ZEB1: variants seen among roughly 807,000 people sequenced by gnomAD.
The protein encoded by ZEB1 is zinc finger E-box binding homeobox 1.
ZEB1 carries 21 observed loss-of-function variants against 84.9 expected under a neutral mutation model. The observed-to-expected ratio is 0.25, with a 90% CI of 0.18 to 0.36. ZEB1 has a LOEUF of 0.36. ZEB1 is among the 10% of genes least tolerant of loss of function. The pLI, the probability that ZEB1 is intolerant of heterozygous loss-of-function variation, is 1.00. For missense variants in ZEB1, 1,104 were observed against 1,330.2 expected (o/e 0.83, Z 2.65); for synonymous variants, 420 against 471.1 (o/e 0.89, Z 1.41).
At chr10:31,352,939 G>T (rs1217559705) in intron 1 of ZEB1, among the ~76,000 whole-genome samples, 1 of 152,220 alleles carries the variant, frequency 6.6e-6, no homozygotes, top group African/African-American at 2.4e-5. Context: ...GGGATGTATT[G>T]TTGCAGCCAT....
rs2072529527 is a variant in ZEB1, at chr10:31,522,029, C to G, written c.2604+93C>G. The stretch of plus-strand genomic sequence containing the variant: ...TCTAATAAATATCAGTCCCGTAGAG[C>G]CAACTAGATTATTACAAACTGTCAT... On this transcript the variant is annotated intron_variant, in intron 7 of 8. Transcript: ENST00000424869. The G allele has an allele frequency of 1.9e-6, 3 of 1,544,612 alleles. No individual in the cohort carries two copies. In the Admixed American group the frequency reaches 5.3e-5, roughly 27 times the overall value.
At chr10:31,499,510 G>A (rs1274636447) in intron 3 of ZEB1, among the ~76,000 whole-genome samples, 3 of 152,066 alleles carry the variant, frequency 2.0e-5, no homozygotes, top group African/African-American at 7.2e-5. Context: ...AGGAAAAAAA[G>A]CATTTTTTCG....
intron 4 of ZEB1, among the ~76,000 whole-genome samples, chr10:31,507,700 T>C (rs1444441531): frequency 2.6e-5 from 4 of 152,024 alleles, no homozygotes; most frequent in Admixed American, 2.6e-4. Flanking sequence ...TACTTACCTC[T>C]TTGGTAAATT....
intron 2 of ZEB1, among the ~76,000 whole-genome samples, chr10:31,473,097 A>G (rs1362631082): frequency 6.7e-6 from 1 of 149,686 alleles, no homozygotes; most frequent in Non-Finnish European, 1.5e-5. Flanking sequence ...CCCACAGCCA[A>G]TATCATACTG....
At chr10:31,495,261 A>G (rs2067061614) in intron 2 of ZEB1, among the ~76,000 whole-genome samples, 1 of 152,066 alleles carries the variant, frequency 6.6e-6, no homozygotes, top group Non-Finnish European at 1.5e-5. Flanking sequence ...GGAACATAGA[A>G]ATTTGTGCTT....
At chr10:31,331,960 G>A (rs2036886769) in intron 1 of ZEB1, among the ~76,000 whole-genome samples, 1 of 152,146 alleles carries the variant, frequency 6.6e-6, no homozygotes, top group East Asian at 1.9e-4. Flanking sequence ...AGAGTGACAT[G>A]ATTACATTTA....
At chr10:31,333,160 A>G (rs534207947) in intron 1 of ZEB1, among the ~76,000 whole-genome samples, 4 of 152,192 alleles carry the variant, frequency 2.6e-5, no homozygotes, top group Non-Finnish European at 5.9e-5. Flanking sequence ...CTTTGACAGT[A>G]TATTAAGCAT....
At chr10:31,382,016 A>AAAAAAAAC (rs1564658732) in intron 1 of ZEB1, among the ~76,000 whole-genome samples, 8 of 115,576 alleles carry the variant, frequency 6.9e-5, no homozygotes, top group African/African-American at 5.3e-4. Context: ...CAAAAAAAAA[A>AAAAAAAAC]AAAAAAAAAA....
At chr10:31,450,936 G>A (rs1440437573) in intron 1 of ZEB1, among the ~76,000 whole-genome samples, 3 of 152,118 alleles carry the variant, frequency 2.0e-5, no homozygotes, top group Middle Eastern at 6.8e-3. Context: ...GCACATGCAT[G>A]TATATCCTTC....
intron 1 of ZEB1, among the ~76,000 whole-genome samples, chr10:31,336,193 T>A (rs1362410877): frequency 1.3e-5 from 2 of 152,204 alleles, no homozygotes; most frequent in African/African-American, 4.8e-5. Context: ...TTTTGTTGAA[T>A]TTGACACGCT....
At chr10:31,517,499 T>C (rs1342202039) in intron 6 of ZEB1, among the ~76,000 whole-genome samples, 2 of 135,202 alleles carry the variant, frequency 1.5e-5, no homozygotes, top group East Asian at 2.1e-4. Flanking sequence ...ACCTTAGCCA[T>C]TAAAAAAAAA....
chr10:31,458,284 C>T lies in ZEB1; in HGVS notation c.59-2753C>T, dbSNP rs573440911. Among the ~76,000 whole-genome samples, 12 of 150,804 alleles carry T rather than the reference C, an allele frequency of 8.0e-5. No individual in the cohort carries two copies. The South Asian group carries it at 2.3e-3, about 29-fold the overall frequency. On this transcript the variant is annotated intron_variant, in intron 1 of 8. Coordinates refer to ENST00000424869, the MANE Select transcript of ZEB1 (RefSeq NM_001174096.2). ...AAAAATGAAAGTTAATAGCATTGTG[C>T]ATCATTTGCCAGTAAGCATCTCCAT...
chr10:31,405,002 T>C (rs1211945853), intron 1 of ZEB1, among the ~76,000 whole-genome samples: 1 of 152,144 alleles, frequency 6.6e-6, no homozygotes, highest in Non-Finnish European at 1.5e-5. Context: ...TCTTAATCAA[T>C]TTCACACAAG....
At chr10:31,319,150 G>A (rs1232333616), upstream of ZEB1, 10 of 872,654 alleles carry the variant, frequency 1.1e-5, no homozygotes, top group Non-Finnish European at 1.4e-5. Flanking sequence ...TGGGGAGGGG[G>A]GAGGGGTGGA....
chr10:31,437,439 C>T (rs1294183576), intron 1 of ZEB1, among the ~76,000 whole-genome samples: 2 of 152,188 alleles, frequency 1.3e-5, no homozygotes, highest in Admixed American at 1.3e-4. Context: ...TAAAACTAAA[C>T]TCTAGTTACC....
At chr10:31,401,244 TAAC>T (rs902983714) in intron 1 of ZEB1, among the ~76,000 whole-genome samples, 1 of 152,206 alleles carries the variant, frequency 6.6e-6, no homozygotes, top group African/African-American at 2.4e-5. Context: ...AGAAAACTAA[TAAC>T]AAGTGCAGCA....
chr10:31,489,511 T>C (rs2066211231), intron 2 of ZEB1, among the ~76,000 whole-genome samples: 1 of 151,398 alleles, frequency 6.6e-6, no homozygotes, highest in Non-Finnish European at 1.5e-5. Flanking sequence ...ATCATTTTAT[T>C]ATTTGTTTTT....
At chr10:31,325,968 T>A (rs2035391753) in intron 1 of ZEB1, among the ~76,000 whole-genome samples, 1 of 79,894 alleles carries the variant, frequency 1.3e-5, no homozygotes, top group Admixed American at 1.0e-4. Context: ...TGGTTTTGGG[T>A]TTTTTTTTTT....
At chr10:31,513,854 T>C (rs2839666) in intron 5 of ZEB1, among the ~76,000 whole-genome samples, 15,093 of 152,194 alleles carry the variant, frequency 0.099, 999 homozygotes, top group Middle Eastern at 0.16. Flanking sequence ...TCAGGGACTA[T>C]AATCTTGGAA....
Sources: allele counts gnomAD v4.1 joint callset (sites outside exome capture counted in the v4.1 genomes callset), GRCh38; gene constraint gnomAD v4.1.1; transcripts MANE v1.5; gene names NCBI Gene and HGNC (gene_info 2026-07-23, HGNC 2026-07-21).